The following TCF4 variants were observed in gnomAD, a reference collection of about 807,000 sequenced individuals.
TCF4 encodes the protein transcription factor 4.
TCF4 carries 3 observed loss-of-function variants against 82.1 expected under a neutral mutation model. The observed-to-expected ratio is 0.04, with a 90% CI of 0.02 to 0.09. The LOEUF is 0.09. Among genes scored for constraint, TCF4 ranks in the 10% least tolerant of loss-of-function variants. The pLI is 1.00. For missense variants in TCF4, 518 were observed against 852.7 expected, an observed-to-expected ratio of 0.61 and a Z score of 4.89; for synonymous variants, 276 against 309.6, an observed-to-expected ratio of 0.89 and a Z score of 1.14.
At chr18:55,478,440 T>A (rs911947972) in intron 3 of TCF4, among the ~76,000 whole-genome samples, 2 of 152,194 alleles carry the variant, frequency 1.3e-5, no homozygotes, top group Non-Finnish European at 2.9e-5. Context: ...CCTAACCTTA[T>A]GTCATTCCTT....
At chr18:55,301,625 G>T (rs1224493106) in intron 8 of TCF4, among the ~76,000 whole-genome samples, 1 of 151,866 alleles carries the variant, frequency 6.6e-6, no homozygotes, top group African/African-American at 2.4e-5. Flanking sequence ...TAGTCTTATA[G>T]ATCTTATGAA....
At chr18:55,231,721 A>G (rs2047980129) in intron 17 of TCF4, 1 of 152,238 alleles carries the variant, frequency 6.6e-6, no homozygotes, top group South Asian at 2.1e-4. Flanking sequence ...ATTTATCTCA[A>G]TAATTACAAC....
intron 3 of TCF4, among the ~76,000 whole-genome samples, chr18:55,543,470 G>C (rs555339902): frequency 6.6e-6 from 1 of 152,168 alleles, no homozygotes; most frequent in East Asian, 1.9e-4. Context: ...TTTTCCATTA[G>C]AAAGCAGCAG....
chr18:55,593,642 C>G (rs2097687993), intron 2 of TCF4, among the ~76,000 whole-genome samples: 1 of 152,156 alleles, frequency 6.6e-6, no homozygotes, highest in African/African-American at 2.4e-5. Flanking sequence ...CATTCTCCTT[C>G]AAATTCCATC....
At chr18:55,259,338 GT>G (rs1002281742) in intron 13 of TCF4, among the ~76,000 whole-genome samples, 1 of 152,090 alleles carries the variant, frequency 6.6e-6, no homozygotes, top group African/African-American at 2.4e-5. Context: ...CCCCTGAAAA[GT>G]GAAATTATTT....
chr18:55,422,837 C>T (rs1277507945), intron 5 of TCF4, among the ~76,000 whole-genome samples: 1 of 152,074 alleles, frequency 6.6e-6, no homozygotes, highest in Non-Finnish European at 1.5e-5. Context: ...GTTGGAATGT[C>T]ATTAATTATT....
chr18:55,616,148 C>A (rs1452120723), intron 2 of TCF4, among the ~76,000 whole-genome samples: 1 of 152,066 alleles, frequency 6.6e-6, no homozygotes, highest in Non-Finnish European at 1.5e-5. Flanking sequence ...TCCTTCCCAG[C>A]CGCTGGCAAC....
chr18:55,501,018 A>ATGTATT (rs2096693627), intron 3 of TCF4, among the ~76,000 whole-genome samples: 1 of 152,248 alleles, frequency 6.6e-6, no homozygotes, highest in Non-Finnish European at 1.5e-5. Flanking sequence ...ATTACTGAGA[A>ATGTATT]CCCTGGAAGA....
intron 5 of TCF4, among the ~76,000 whole-genome samples, chr18:55,405,022 G>C (rs1431954204): frequency 6.6e-6 from 1 of 152,254 alleles, no homozygotes; most frequent in Non-Finnish European, 1.5e-5. Flanking sequence ...CGCACAGACT[G>C]TCAGTCTTAG....
At chr18:55,525,059 A>G (rs552657834) in intron 3 of TCF4, among the ~76,000 whole-genome samples, 1 of 151,918 alleles carries the variant, frequency 6.6e-6, no homozygotes, top group Admixed American at 6.6e-5. Context: ...GCTACCCACC[A>G]TATCCCCTTT....
At chr18:55,471,372 G>A (rs571755187) in intron 3 of TCF4, among the ~76,000 whole-genome samples, 1 of 152,292 alleles carries the variant, frequency 6.6e-6, no homozygotes, top group South Asian at 2.1e-4. Flanking sequence ...CTAAGCAAAG[G>A]ATGAGGGTTG....
rs1318227214 is a variant in TCF4 at position 55,244,547 on chromosome 18, C to T, written c.1351-9864G>A. On this transcript the variant is annotated intron_variant, in intron 15 of 19. Coordinates refer to ENST00000354452, the MANE Select transcript of TCF4 (RefSeq NM_001083962.2). Reference sequence around the variant, plus strand: ...GCACTTACTTATTAATACTTATAGCCGTGTCCTAAATAAAGGAGCAAACTT... The same window carrying T: ...GCACTTACTTATTAATACTTATAGCTGTGTCCTAAATAAAGGAGCAAACTT... Among the ~76,000 whole-genome samples, 16 of 152,240 alleles carry T rather than the reference C, an allele frequency of 1.1e-4. No homozygotes were observed. In the South Asian group the frequency reaches 1.7e-3, roughly 16 times the overall value.
At chr18:55,587,573 AC>A (rs1293993136) in intron 1 of TCF4, among the ~76,000 whole-genome samples, 2 of 147,332 alleles carry the variant, frequency 1.4e-5, no homozygotes, top group Non-Finnish European at 3.0e-5. Context: ...CCTGCACCCC[AC>A]CCCCCTCGCA....
At chr18:55,284,922 T>C (rs2043031650) in intron 8 of TCF4, among the ~76,000 whole-genome samples, 2 of 152,242 alleles carry the variant, frequency 1.3e-5, no homozygotes, top group African/African-American at 4.8e-5. Context: ...TGTACTTTGA[T>C]GCTTCTCTCA....
intron 8 of TCF4, among the ~76,000 whole-genome samples, chr18:55,280,823 A>G (rs900907809): frequency 5.9e-5 from 9 of 152,196 alleles, no homozygotes; most frequent in African/African-American, 2.2e-4. Context: ...GAAAAATTAT[A>G]TAATTGCTCT....
intron 2 of TCF4, among the ~76,000 whole-genome samples, chr18:55,596,485 A>G (rs2097691047): frequency 6.6e-6 from 1 of 152,214 alleles, no homozygotes; most frequent in South Asian, 2.1e-4. Context: ...CTCATTCAAC[A>G]GTTGTAACCT....
chr18:55,513,515 T>C (rs2096850113), intron 3 of TCF4, among the ~76,000 whole-genome samples: 1 of 151,922 alleles, frequency 6.6e-6, no homozygotes, highest in South Asian at 2.1e-4. Flanking sequence ...CCAATATCTA[T>C]TTTTGAAAAA....
chr18:55,455,597 T>G (rs2095733191), intron 5 of TCF4, among the ~76,000 whole-genome samples: 1 of 151,994 alleles, frequency 6.6e-6, no homozygotes. Context: ...GGGGCCTGCT[T>G]GTATCACTAC....
intron 8 of TCF4, among the ~76,000 whole-genome samples, chr18:55,298,675 C>G (rs572550124): frequency 2.0e-5 from 3 of 152,316 alleles, no homozygotes; most frequent in Non-Finnish European, 4.4e-5. Context: ...AACCAAATAG[C>G]TACTACTAAA....
Sources: gnomAD v4.1 joint callset for allele counts (sites outside exome capture counted in the v4.1 genomes callset) on GRCh38, gnomAD v4.1.1 for gene constraint, MANE v1.5 for transcripts, NCBI Gene and HGNC (gene_info 2026-07-23, HGNC 2026-07-21) for gene names.